The following TRAPPC9 variants were observed in gnomAD, a reference collection of about 807,000 sequenced individuals.
TRAPPC9 encodes IKK2 binding protein.
In TRAPPC9, 83 loss-of-function variants were observed where a neutral mutation model predicts 124.0. That is an observed-to-expected ratio of 0.67 (90% CI 0.56 to 0.80). The LOEUF (loss-of-function observed/expected upper bound fraction) is 0.80. Among genes scored for constraint, TRAPPC9 ranks in the 30% least tolerant of loss-of-function variants. The pLI, the probability that TRAPPC9 is intolerant of heterozygous loss-of-function variation, is 0.00. For synonymous variants in TRAPPC9, 638 were observed against 617.5 expected (o/e 1.03, Z -0.49); for missense variants, 1,302 against 1,508.3 (o/e 0.86, Z 2.27).
chr8:140,101,532 C>CTTTTTTTTTTTTTTTTTTTTTTTTTT (rs1234280796), intron 17 of TRAPPC9, among the ~76,000 whole-genome samples: 1 of 78,722 alleles, frequency 1.3e-5, no homozygotes, highest in Non-Finnish European at 2.2e-5. Flanking sequence ...GTAGGGTTTT[C>CTTTTTTTTTTTTTTTTTTTTTTTTTT]TTTTTTTTGT....
At chr8:140,214,246 T>C (rs896106445) in intron 17 of TRAPPC9, among the ~76,000 whole-genome samples, 1 of 152,180 alleles carries the variant, frequency 6.6e-6, no homozygotes, top group Non-Finnish European at 1.5e-5. Context: ...AGGCACGTCA[T>C]ATCCAACTCA....
rs149605557 is a variant in TRAPPC9 at position 140,380,587 on chromosome 8, G to A, written c.1135-9407C>T. Among the ~76,000 whole-genome samples the A allele has an allele frequency of 6.8e-3, 1,025 of 149,966 alleles. 10 individuals carry two copies. The highest frequency in any genetic ancestry group is 0.024 in the African/African-American group (974 of 40,656). On this transcript the variant is annotated intron_variant, in intron 7 of 22. Transcript: ENST00000438773. ...GGAGAATCACTTGAACCCGGGAGGC[G>A]GGGGCTACAGTGAGCCAAGATCGTG...
intron 16 of TRAPPC9, among the ~76,000 whole-genome samples, chr8:140,245,442 C>G (rs564334090): frequency 4.3e-4 from 65 of 149,596 alleles, no homozygotes; most frequent in African/African-American, 1.6e-3. Context: ...CTACAGATAG[C>G]CTTTTCATCT....
intron 17 of TRAPPC9, among the ~76,000 whole-genome samples, chr8:140,151,857 A>C (rs2061548354): frequency 6.6e-6 from 1 of 152,084 alleles, no homozygotes; most frequent in Non-Finnish European, 1.5e-5. Flanking sequence ...AATCTTTACC[A>C]CAACCCTAGT....
intron 18 of TRAPPC9, among the ~76,000 whole-genome samples, chr8:139,993,978 ATAT>A (rs759965374): frequency 1.3e-4 from 20 of 152,242 alleles, no homozygotes; most frequent in Non-Finnish European, 2.4e-4. Context: ...ATATACTGAA[ATAT>A]TAAAAATGGA....
chr8:139,747,618 G>A, intron 21 of TRAPPC9, among the ~76,000 whole-genome samples: 1 of 35,138 alleles, frequency 2.8e-5, no homozygotes, highest in Non-Finnish European at 5.3e-5. Flanking sequence ...GGTGTGCAGG[G>A]ATCAGAGAAG....
intron 1 of TRAPPC9, among the ~76,000 whole-genome samples, chr8:140,451,735 C>T (rs1010703188): frequency 1.3e-5 from 2 of 152,188 alleles, no homozygotes; most frequent in Non-Finnish European, 1.5e-5. Flanking sequence ...ATCCCCTCAA[C>T]AGGATATTAA....
chr8:140,309,532 T>A (rs971566692), intron 10 of TRAPPC9, among the ~76,000 whole-genome samples: 1 of 152,220 alleles, frequency 6.6e-6, no homozygotes, highest in African/African-American at 2.4e-5. Context: ...CTCCTGGATA[T>A]CTACACACAG....
At chr8:140,278,159 A>ACG (rs2065186617) in intron 14 of TRAPPC9, among the ~76,000 whole-genome samples, 1 of 151,758 alleles carries the variant, frequency 6.6e-6, no homozygotes, top group Non-Finnish European at 1.5e-5. Context: ...GCTGGAGAGC[A>ACG]GTGGCACAAT....
rs1360388946 is a variant in TRAPPC9 at position 140,182,260 on chromosome 8, C to T, written c.2556+39199G>A. Among the ~76,000 whole-genome samples, 6 of 151,776 alleles carry T rather than the reference C, an allele frequency of 4.0e-5. No homozygotes were observed. Among genetic ancestry groups the T allele is most frequent in the Admixed American group, 3.9e-4 (6 of 15,246 alleles). ...ATTATAGTCTCTGGGTTGAAGCAGG[C>T]AAATGTTTCCGAAGCCTGCCTTTCC... On this transcript the variant is annotated intron_variant, in intron 17 of 22. Coordinates refer to ENST00000438773, the MANE Select transcript of TRAPPC9 (RefSeq NM_001160372.4). The surrounding 1 kb of genome is among the most constrained non-coding windows in gnomAD (Gnocchi z 4.0).
At chr8:139,812,984 C>A (rs151212158) in intron 21 of TRAPPC9, among the ~76,000 whole-genome samples, 89 of 152,368 alleles carry the variant, frequency 5.8e-4, no homozygotes, top group Non-Finnish European at 1.0e-3. Flanking sequence ...ACGCCTGGCC[C>A]TGACAGCTTC....
chr8:139,847,437 T>A (rs1345097750), intron 21 of TRAPPC9, among the ~76,000 whole-genome samples: 2 of 152,158 alleles, frequency 1.3e-5, no homozygotes, highest in Non-Finnish European at 2.9e-5. Flanking sequence ...CTCACCCAAA[T>A]GCACACCACA....
rs80302757 is a variant in TRAPPC9, at chr8:140,092,934, G to T, written c.2557-68855C>A. 6.1e-3 allele frequency among the ~76,000 whole-genome samples: 932 copies of T among 152,188 alleles called. 8 individuals carry two copies. The highest frequency in any genetic ancestry group is 0.021 in the African/African-American group (883 of 41,504). The stretch of plus-strand genomic sequence containing the variant: ...GGCTTTATTTTCCTAATTTGTTAAA[G>T]GGGGATAATCCATTTACTTCAAGAT... On this transcript the variant is annotated intron_variant, in intron 17 of 22. Coordinates refer to ENST00000438773, the MANE Select transcript of TRAPPC9 (RefSeq NM_001160372.4).
chr8:140,337,615 C>G (rs1050470364), intron 9 of TRAPPC9, among the ~76,000 whole-genome samples: 1 of 152,194 alleles, frequency 6.6e-6, no homozygotes, highest in Non-Finnish European at 1.5e-5. Context: ...CCCTCCGGCT[C>G]TGCCATGCAG....
intron 21 of TRAPPC9, among the ~76,000 whole-genome samples, chr8:139,759,877 C>G (rs1221975210): frequency 6.6e-6 from 1 of 152,190 alleles, no homozygotes; most frequent in Non-Finnish European, 1.5e-5. Context: ...CGGCAGCCAG[C>G]ACCATCACTG....
intron 17 of TRAPPC9, among the ~76,000 whole-genome samples, chr8:140,084,818 G>T (rs940236949): frequency 6.6e-6 from 1 of 152,246 alleles, no homozygotes; most frequent in Non-Finnish European, 1.5e-5. Flanking sequence ...CGTTTACCAA[G>T]CATGAGTAAG....
chr8:140,126,675 G>GTACAC (rs777855479), intron 17 of TRAPPC9, among the ~76,000 whole-genome samples: 1 of 152,244 alleles, frequency 6.6e-6, no homozygotes, highest in Non-Finnish European at 1.5e-5. Flanking sequence ...AATTAGGACA[G>GTACAC]TGTATTTAGC....
chr8:139,804,279 A>G (rs1447064655), intron 21 of TRAPPC9, among the ~76,000 whole-genome samples: 1 of 103,290 alleles, frequency 9.7e-6, no homozygotes, highest in African/African-American at 3.9e-5. Context: ...CACAACCACC[A>G]CCACCCACCA....
At chr8:139,758,600 T>C (rs1427295729) in intron 21 of TRAPPC9, among the ~76,000 whole-genome samples, 1 of 152,054 alleles carries the variant, frequency 6.6e-6, no homozygotes, top group Non-Finnish European at 1.5e-5. Context: ...GTTCAGCTGA[T>C]AAAATGTTTA....
Sources: gnomAD v4.1 joint callset for allele counts (sites outside exome capture counted in the v4.1 genomes callset) on GRCh38, gnomAD v4.1.1 for gene constraint, Gnocchi (gnomAD v3.1) non-coding constraint, MANE v1.5 for transcripts, NCBI Gene and HGNC (gene_info 2026-07-23, HGNC 2026-07-21) for gene names.